Variants in STX18 observed in about 807,000 individuals in gnomAD.
The protein encoded by STX18 is syntaxin 18.
Under a neutral mutation model 50.1 loss-of-function variants are expected in STX18, and 40 were observed. That is an observed-to-expected ratio of 0.80 (90% confidence interval 0.62 to 1.04). The LOEUF is 1.04. Among genes scored for constraint, STX18 ranks in the 50% least tolerant of loss-of-function variants. The pLI is 0.00. For missense variants in STX18, 410 were observed against 415.8 expected (o/e 0.99, Z 0.12); for synonymous variants, 158 against 151.8 (o/e 1.04, Z -0.30).
chr4:4,530,073 A>C (rs1399622882), intron 1 of STX18, among the ~76,000 whole-genome samples: 1 of 152,114 alleles, frequency 6.6e-6, no homozygotes, highest in African/African-American at 2.4e-5. Flanking sequence ...ACATTTTTCT[A>C]ATCAAAAGCT....
At chr4:4,471,128 A>G (rs1157053400) in intron 2 of STX18, among the ~76,000 whole-genome samples, 1 of 152,192 alleles carries the variant, frequency 6.6e-6, no homozygotes, top group Admixed American at 6.6e-5. Flanking sequence ...GAAGGACAAA[A>G]GAAGAAAATG....
chr4:4,471,508 A>G, intron 2 of STX18, 131 bp downstream of exon 2: 1 of 571,656 alleles, frequency 1.7e-6, no homozygotes, highest in Non-Finnish European at 3.0e-6. Flanking sequence ...AGATTTTTCC[A>G]CTGCCAAACT....
chr4:4,474,203 G>A (rs1168009278), intron 1 of STX18, among the ~76,000 whole-genome samples: 1 of 151,944 alleles, frequency 6.6e-6, no homozygotes, highest in Non-Finnish European at 1.5e-5. Context: ...CGCACAAAAC[G>A]CTACATGTGC....
At chr4:4,458,663 A>G (rs1244512580) in intron 3 of STX18, among the ~76,000 whole-genome samples, 16 of 152,210 alleles carry the variant, frequency 1.1e-4, no homozygotes, top group Admixed American at 1.0e-3. Context: ...AACATCAACG[A>G]AAGTGAGATA....
At chr4:4,460,796 C>A (rs141197321) in intron 2 of STX18, among the ~76,000 whole-genome samples, 193 of 152,178 alleles carry the variant, frequency 1.3e-3, no homozygotes, top group African/African-American at 4.5e-3. Context: ...GGACTCTGTC[C>A]GAGGGAAGAC....
intron 3 of STX18, among the ~76,000 whole-genome samples, chr4:4,458,879 C>T (rs1479198237): frequency 6.6e-6 from 1 of 152,152 alleles, no homozygotes; most frequent in Admixed American, 6.5e-5. Flanking sequence ...GGCTCCAGAG[C>T]CTTCCTCCTA....
chr4:4,459,559 G>T, intron 2 of STX18, 72 bp from the exon 3 acceptor site: 2 of 1,099,688 alleles, frequency 1.8e-6, no homozygotes, highest in Admixed American at 1.8e-5. Context: ...GATGGGAAGA[G>T]AAGAAAAGGC....
At chr4:4,536,273 T>C (rs951614243) in intron 1 of STX18, among the ~76,000 whole-genome samples, 3 of 152,240 alleles carry the variant, frequency 2.0e-5, no homozygotes, top group Non-Finnish European at 4.4e-5. Flanking sequence ...TTAACAGTTA[T>C]TCATTAATTC....
At chr4:4,512,061 T>C (rs1730032470) in intron 1 of STX18, among the ~76,000 whole-genome samples, 1 of 152,018 alleles carries the variant, frequency 6.6e-6, no homozygotes, top group African/African-American at 2.4e-5. Flanking sequence ...CTCCAGATAT[T>C]GGCAAATATC....
At chr4:4,531,327 G>A (rs774745983) in intron 1 of STX18, among the ~76,000 whole-genome samples, 2 of 152,042 alleles carry the variant, frequency 1.3e-5, no homozygotes, top group Non-Finnish European at 2.9e-5. Flanking sequence ...TACACAATAC[G>A]TGTTTCTATT....
At chr4:4,491,570 GTA>G (rs955201816) in intron 1 of STX18, among the ~76,000 whole-genome samples, 21 of 152,048 alleles carry the variant, frequency 1.4e-4, no homozygotes, top group African/African-American at 4.8e-4. Context: ...GAAAGAGGAA[GTA>G]TACTTTGGGT....
chr4:4,420,270 A>G lies in STX18; in HGVS notation c.913-141T>C. 1 of 644,520 alleles carries G rather than the reference A, an allele frequency of 1.6e-6. No individual in the cohort carries two copies. The highest frequency in any genetic ancestry group is 2.7e-6 in the Non-Finnish European group (1 of 369,948). The allele number at this position is 644,520 out of a possible 1,614,324, so 39.9% of individuals were successfully genotyped here. The stretch of plus-strand genomic sequence containing the variant: ...CGTTCCATCTGTGCTTACCTTGAAT[A>G]GATGGCTTTTGAGATCCACCAGAAG... On this transcript the variant is annotated intron_variant, in intron 10 of 10. Transcript: ENST00000306200. The surrounding 1 kb of genome is among the most constrained non-coding windows in gnomAD (Gnocchi z 4.3).
intron 6 of STX18, among the ~76,000 whole-genome samples, chr4:4,435,259 G>A (rs1381709273): frequency 6.6e-6 from 1 of 151,836 alleles, no homozygotes; most frequent in Non-Finnish European, 1.5e-5. Context: ...TATTTTTATT[G>A]TAAAAAATAC....
At chr4:4,445,279 G>A (rs1002778687) in intron 5 of STX18, among the ~76,000 whole-genome samples, 4 of 152,054 alleles carry the variant, frequency 2.6e-5, no homozygotes, top group Admixed American at 1.3e-4. Flanking sequence ...GGTGGTGGGC[G>A]CCTGTAATCC....
At chr4:4,508,269 C>T (rs1220041765) in intron 1 of STX18, among the ~76,000 whole-genome samples, 1 of 152,140 alleles carries the variant, frequency 6.6e-6, no homozygotes, top group Non-Finnish European at 1.5e-5. Context: ...GTGGACCTCA[C>T]CACATATCCC....
intron 7 of STX18, among the ~76,000 whole-genome samples, chr4:4,433,925 G>C (rs1725647972): frequency 6.6e-6 from 1 of 152,162 alleles, no homozygotes; most frequent in Non-Finnish European, 1.5e-5. Flanking sequence ...GGGGACTCTG[G>C]GCAAGACCCT....
intron 5 of STX18, among the ~76,000 whole-genome samples, chr4:4,439,740 G>C (rs1364590388): frequency 1.3e-5 from 2 of 152,120 alleles, no homozygotes; most frequent in Non-Finnish European, 2.9e-5. Flanking sequence ...GCACAGACTT[G>C]TTTCAGGACT....
intron 1 of STX18, among the ~76,000 whole-genome samples, chr4:4,493,996 T>C (rs6838607): frequency 0.093 from 14,180 of 152,228 alleles, 753 homozygotes; most frequent in African/African-American, 0.14. Flanking sequence ...GGTAAATATA[T>C]GTTATTTTTC....
At chr4:4,538,339 T>C (rs973294354) in intron 1 of STX18, among the ~76,000 whole-genome samples, 3 of 152,210 alleles carry the variant, frequency 2.0e-5, no homozygotes, top group African/African-American at 7.2e-5. Flanking sequence ...GCCACACATC[T>C]GCCATCACTG....
Sources: allele counts gnomAD v4.1 joint callset (sites outside exome capture counted in the v4.1 genomes callset), GRCh38; gene constraint gnomAD v4.1.1; non-coding constraint Gnocchi (gnomAD v3.1); transcripts MANE v1.5; gene names NCBI Gene and HGNC (gene_info 2026-07-23, HGNC 2026-07-21).